Variants in RAP1GAP2 observed in about 807,000 individuals in gnomAD.
The protein encoded by RAP1GAP2 is rap1 GTPase-activating protein 2.
RAP1GAP2 carries 27 observed loss-of-function variants against 95.0 expected under a neutral mutation model. The ratio of observed to expected loss-of-function variants is 0.28; its 90% CI spans 0.21 to 0.39. RAP1GAP2 has a LOEUF of 0.39. Ranked by LOEUF, RAP1GAP2 falls within the 10% of genes least tolerant of loss-of-function variation. The pLI, the probability that RAP1GAP2 is intolerant of heterozygous loss-of-function variation, is 1.00. For missense variants in RAP1GAP2, 771 were observed against 970.0 expected (o/e 0.79, Z 2.72); for synonymous variants, 373 against 380.9 (o/e 0.98, Z 0.24).
At chr17:2,843,364 C>T (rs1034351882) in intron 2 of RAP1GAP2, among the ~76,000 whole-genome samples, 6 of 151,770 alleles carry the variant, frequency 4.0e-5, no homozygotes, top group Non-Finnish European at 8.8e-5. Context: ...CGGCTCACGG[C>T]AACCTCCACC....
chr17:2,983,906 A>G (rs1221426112), intron 10 of RAP1GAP2, among the ~76,000 whole-genome samples: 3 of 152,194 alleles, frequency 2.0e-5, no homozygotes, highest in Non-Finnish European at 4.4e-5. Context: ...CATATAGATG[A>G]TGATGGTGTT....
intron 3 of RAP1GAP2, among the ~76,000 whole-genome samples, chr17:2,948,339 C>T (rs1035449146): frequency 6.6e-6 from 1 of 152,186 alleles, no homozygotes; most frequent in Admixed American, 6.5e-5. Flanking sequence ...TCAGCAAGGA[C>T]CCAGCATGCT....
At chr17:3,016,386 C>A (rs987414332) in intron 17 of RAP1GAP2, among the ~76,000 whole-genome samples, 6 of 152,250 alleles carry the variant, frequency 3.9e-5, no homozygotes, top group Admixed American at 1.3e-4. Flanking sequence ...TTGGCTAGAA[C>A]CTGGCTCTGC....
chr17:2,943,760 T>A (rs998922099), intron 3 of RAP1GAP2, among the ~76,000 whole-genome samples: 5 of 152,116 alleles, frequency 3.3e-5, no homozygotes, highest in Non-Finnish European at 7.3e-5. Context: ...ATACAAGTGG[T>A]CAACAGGTAT....
chr17:2,875,544 A>G (rs1189273824), intron 2 of RAP1GAP2, among the ~76,000 whole-genome samples: 1 of 152,166 alleles, frequency 6.6e-6, no homozygotes, highest in East Asian at 1.9e-4. Context: ...TCATGTAGCA[A>G]GTGGCTTCAA....
intron 2 of RAP1GAP2, among the ~76,000 whole-genome samples, chr17:2,886,978 AG>A (rs1234619821): frequency 2.0e-5 from 3 of 152,198 alleles, no homozygotes; most frequent in Non-Finnish European, 4.4e-5. Flanking sequence ...TCTACCACAT[AG>A]GGGTGTTGAA....
intron 17 of RAP1GAP2, among the ~76,000 whole-genome samples, chr17:3,013,431 T>C (rs12935853): frequency 0.88 from 134,147 of 152,030 alleles, 59,265 homozygotes; most frequent in Non-Finnish European, 0.9. Context: ...GTCGGAGTCA[T>C]GGTCTCTTGG....
At chr17:2,759,865 C>T (rs750546981) in intron 1 of RAP1GAP2, among the ~76,000 whole-genome samples, 6 of 152,096 alleles carry the variant, frequency 3.9e-5, no homozygotes, top group Non-Finnish European at 7.4e-5. Context: ...TAGATTTGAG[C>T]CAGCGCGCCT....
chr17:2,944,887 A>T (rs943777398), intron 3 of RAP1GAP2, among the ~76,000 whole-genome samples: 2 of 151,916 alleles, frequency 1.3e-5, no homozygotes, highest in Non-Finnish European at 2.9e-5. Flanking sequence ...ATGCTATTTT[A>T]TTTTTTATTT....
intron 14 of RAP1GAP2, among the ~76,000 whole-genome samples, chr17:3,002,310 G>A (rs2046188393): frequency 6.6e-6 from 1 of 152,200 alleles, no homozygotes; most frequent in Non-Finnish European, 1.5e-5. Flanking sequence ...TCCTCAGAGG[G>A]GTGATGAGAA....
At chr17:2,760,196 G>C in intron 1 of RAP1GAP2, among the ~76,000 whole-genome samples, 1 of 150,218 alleles carries the variant, frequency 6.7e-6, no homozygotes, top group Non-Finnish European at 1.5e-5. Flanking sequence ...GGGAGGCTGA[G>C]GCAGGAGAAT....
rs933901106 is a variant in RAP1GAP2, at chr17:2,778,319, C to T, written c.-14+1041C>T. On this transcript the variant is annotated intron_variant, in intron 1 of 24. Transcript: ENST00000540393. Reference sequence around the variant, plus strand: ...CTGGTAGCTGGGTGGGATGCGGGGGCGGGAGCTGAAGTGCTACAGCAGCCT... The same window carrying T: ...CTGGTAGCTGGGTGGGATGCGGGGGTGGGAGCTGAAGTGCTACAGCAGCCT... 7.7e-5 allele frequency among the ~76,000 whole-genome samples: 11 copies of T among 142,670 alleles called. No homozygotes were observed. In the East Asian group the frequency reaches 1.1e-3, roughly 14 times the overall value. 93.6% of individuals were successfully genotyped at this position (142,670 alleles called of 152,430 possible). A position where few individuals can be genotyped will look rare whatever the true frequency, so the allele number is the denominator to read the frequency against.
chr17:2,767,219 G>A (rs1002434937), intron 1 of RAP1GAP2, among the ~76,000 whole-genome samples: 6 of 151,644 alleles, frequency 4.0e-5, no homozygotes, highest in African/African-American at 1.2e-4. Context: ...AAAATTAACC[G>A]GGTGTGGTGA....
At chr17:2,879,783 C>A (rs2073224092) in intron 2 of RAP1GAP2, among the ~76,000 whole-genome samples, 1 of 151,926 alleles carries the variant, frequency 6.6e-6, no homozygotes, top group African/African-American at 2.4e-5. Context: ...TGCCTTGAGC[C>A]CTCTCCCTCC....
chr17:3,025,427 G>A (rs1248460593), intron 19 of RAP1GAP2, among the ~76,000 whole-genome samples: 1 of 152,212 alleles, frequency 6.6e-6, no homozygotes, highest in African/African-American at 2.4e-5. Flanking sequence ...AGCCAGCACA[G>A]GGAGCACTGT....
At chr17:3,023,641 T>G (rs2047020470) in intron 19 of RAP1GAP2, among the ~76,000 whole-genome samples, 1 of 152,230 alleles carries the variant, frequency 6.6e-6, no homozygotes. Context: ...TTTTACTTTT[T>G]TCTTTTATTA....
intron 2 of RAP1GAP2, among the ~76,000 whole-genome samples, chr17:2,886,110 T>A (rs2073489542): frequency 6.6e-6 from 1 of 151,606 alleles, no homozygotes; most frequent in Non-Finnish European, 1.5e-5. Flanking sequence ...GACTCTGAAT[T>A]TTTTTTCCCA....
intron 2 of RAP1GAP2, among the ~76,000 whole-genome samples, chr17:2,846,131 C>T (rs1295315777): frequency 8.0e-5 from 12 of 150,382 alleles, no homozygotes; most frequent in Admixed American, 2.7e-4. Context: ...TGTAGTGAGC[C>T]GAGATTGCAC....
rs142957732 is a variant in RAP1GAP2, at chr17:2,918,718, G to A, written c.165+13350G>A. Among the ~76,000 whole-genome samples the A allele has an allele frequency of 5.6e-3, 852 of 152,152 alleles. 10 individuals are homozygous for A. Among genetic ancestry groups the A allele is most frequent in the African/African-American group, 0.02 (813 of 41,490 alleles). ...GTGGTAAAGCATTCATGAGAAATCC[G>A]CCCTCTGATCCAGTCAGCTCCCTGC... On this transcript the variant is annotated intron_variant, in intron 3 of 24. Coordinates refer to ENST00000254695, the MANE Select transcript of RAP1GAP2 (RefSeq NM_015085.5).
Sources: allele counts gnomAD v4.1 joint callset (sites outside exome capture counted in the v4.1 genomes callset), GRCh38; gene constraint gnomAD v4.1.1; transcripts MANE v1.5; gene names NCBI Gene and HGNC (gene_info 2026-07-23, HGNC 2026-07-21).